Variants in CTNNBL1 observed in about 807,000 individuals in gnomAD.
CTNNBL1 encodes the protein beta-catenin-like protein 1.
In CTNNBL1, 31 loss-of-function variants were observed where a neutral mutation model predicts 72.7. That is an observed-to-expected ratio of 0.43 (90% CI 0.32 to 0.58). CTNNBL1 has a LOEUF of 0.58. Ranked by LOEUF, CTNNBL1 falls within the 20% of genes least tolerant of loss-of-function variation. The probability of loss-of-function intolerance (pLI) is 0.08; values close to 1 mark genes in which losing one functional copy is unlikely to be tolerated. For synonymous variants in CTNNBL1, 240 were observed against 267.3 expected (o/e 0.90, Z 1.00); for missense variants, 534 against 725.1 (o/e 0.74, Z 3.03).
intron 1 of CTNNBL1, among the ~76,000 whole-genome samples, chr20:37,720,886 T>C (rs1251114911): frequency 2.0e-5 from 3 of 152,176 alleles, no homozygotes; most frequent in Non-Finnish European, 4.4e-5. Flanking sequence ...GTAGAGGAAA[T>C]AGAGACTTAT....
Position 37,695,255 on chromosome 20 carries a change from T to C in CTNNBL1, c.30+1103T>C, listed in dbSNP as rs113085618. On this transcript the variant is annotated intron_variant, in intron 1 of 15. Coordinates refer to ENST00000361383, the MANE Select transcript of CTNNBL1 (RefSeq NM_030877.5). The stretch of plus-strand genomic sequence containing the variant: ...CAGGATCTTGCTCTGTCGCCCATGC[T>C]GGAGTGCAGTGGCACAATCATTGCT... Among the ~76,000 whole-genome samples, 599 of 152,342 alleles carry C rather than the reference T, an allele frequency of 3.9e-3. 6 individuals are homozygous for C. Among genetic ancestry groups the C allele is most frequent in the African/African-American group, 0.014 (568 of 41,568 alleles).
Position 37,842,389 on chromosome 20 carries a change from G to A in CTNNBL1, c.1362G>A (p.Val454=), listed in dbSNP as rs1414039458. ...TTAAATATCTGGGTGCAATGCAGGTGGCGGACAAGAAGATTGAAGGGGAAA... is the reference window on the plus strand; with the variant it reads ...TTAAATATCTGGGTGCAATGCAGGTAGCGGACAAGAAGATTGAAGGGGAAA... ...LHFKYLGAMQ[V]ADKKIEGEKH... The change falls in exon 13 of 16, where the codon GTG becomes GTA. Residue 454 remains valine, a synonymous_variant. Coordinates refer to ENST00000361383, the MANE Select transcript of CTNNBL1 (RefSeq NM_030877.5). 3.7e-6 allele frequency: 6 copies of A among 1,613,800 alleles called. No individual in the cohort carries two copies. The highest frequency in any genetic ancestry group is 1.3e-5 in the African/African-American group (1 of 74,920).
intron 1 of CTNNBL1, among the ~76,000 whole-genome samples, chr20:37,722,376 A>C (rs2073048011): frequency 6.6e-6 from 1 of 152,114 alleles, no homozygotes; most frequent in Admixed American, 6.5e-5. Flanking sequence ...TGGGAGGCTG[A>C]GGCAGGGGAA....
At chr20:37,833,037 CTCCGTGTGTA>C (rs2072224914) in intron 11 of CTNNBL1, among the ~76,000 whole-genome samples, 1 of 152,108 alleles carries the variant, frequency 6.6e-6, no homozygotes, top group Admixed American at 6.5e-5. Context: ...GGTAGCATGC[CTCCGTGTGTA>C]TCAGTCTCAA....
chr20:37,696,459 T>TTTC, intron 1 of CTNNBL1, among the ~76,000 whole-genome samples: 1 of 148,272 alleles, frequency 6.7e-6, no homozygotes, highest in South Asian at 2.1e-4. Flanking sequence ...TTTTTTTTTT[T>TTTC]TGAGATGGAG....
At chr20:37,845,634 G>A (rs1277144463) in intron 13 of CTNNBL1, among the ~76,000 whole-genome samples, 1 of 152,190 alleles carries the variant, frequency 6.6e-6, no homozygotes, top group East Asian at 1.9e-4. Flanking sequence ...CCTCACAGGT[G>A]TAAAGTGACT....
intron 1 of CTNNBL1, among the ~76,000 whole-genome samples, chr20:37,698,008 C>T (rs1444515585): frequency 6.6e-6 from 1 of 152,168 alleles, no homozygotes; most frequent in Non-Finnish European, 1.5e-5. Flanking sequence ...ATGCCTAGCG[C>T]CTACAGGTAG....
Position 37,860,252 on chromosome 20 carries a change from C to T in CTNNBL1, c.1531-20C>T. The T allele has an allele frequency of 1.2e-6, 2 of 1,606,002 alleles. No homozygotes were observed. The highest frequency in any genetic ancestry group is 1.7e-6 in the Non-Finnish European group (2 of 1,172,606). ...ACAAATGGTTGTCTTTCTTTCTCTA[C>T]CCATTTTTTCCCTTATTAGATTCGC... On this transcript the variant is annotated intron_variant, in intron 14 of 15. Coordinates refer to ENST00000361383, the MANE Select transcript of CTNNBL1 (RefSeq NM_030877.5).
At chr20:37,740,070 A>G (rs962484872) in intron 3 of CTNNBL1, among the ~76,000 whole-genome samples, 1 of 152,146 alleles carries the variant, frequency 6.6e-6, no homozygotes, top group African/African-American at 2.4e-5. Context: ...CAGTTCATTA[A>G]CTGGGTTTAA....
intron 15 of CTNNBL1, among the ~76,000 whole-genome samples, chr20:37,866,284 G>A (rs1005676596): frequency 3.3e-5 from 5 of 152,228 alleles, no homozygotes; most frequent in South Asian, 2.1e-4. Flanking sequence ...CTCGGGAAGC[G>A]CTGCCCGGGG....
At chr20:37,805,643 C>T (rs1373572037) in intron 11 of CTNNBL1, among the ~76,000 whole-genome samples, 5 of 151,998 alleles carry the variant, frequency 3.3e-5, no homozygotes, top group African/African-American at 7.2e-5. Context: ...GTGATCCGCC[C>T]ACCTTGGCCT....
At chr20:37,859,750 G>T (rs1243702342) in intron 13 of CTNNBL1, 149 bp from the exon 14 acceptor site, 1 of 713,366 alleles carries the variant, frequency 1.4e-6, no homozygotes, top group Non-Finnish European at 2.3e-6. Context: ...ACTTTAAAGG[G>T]AGATGTAGAC....
intron 11 of CTNNBL1, among the ~76,000 whole-genome samples, chr20:37,819,193 C>T (rs981576770): frequency 1.3e-5 from 2 of 152,124 alleles, no homozygotes; most frequent in Non-Finnish European, 1.5e-5. Context: ...AAACTTCCCC[C>T]GTAAATGAAG....
chr20:37,767,821 A>G, intron 6 of CTNNBL1, 132 bp from the exon 7 acceptor site: 2 of 689,962 alleles, frequency 2.9e-6, no homozygotes, highest in Middle Eastern at 2.8e-4. Context: ...TCTGAAAATG[A>G]CAACCCAGCA....
intron 11 of CTNNBL1, among the ~76,000 whole-genome samples, chr20:37,828,216 C>T (rs1315186927): frequency 2.6e-5 from 4 of 152,176 alleles, no homozygotes; most frequent in African/African-American, 9.7e-5. Flanking sequence ...AGTTTACCAT[C>T]TATTGAGATT....
chr20:37,847,507 G>T (rs925377043), intron 13 of CTNNBL1, among the ~76,000 whole-genome samples: 1 of 152,108 alleles, frequency 6.6e-6, no homozygotes, highest in Non-Finnish European at 1.5e-5. Context: ...TGTCTCAGCA[G>T]ATTTCACCTG....
At chr20:37,749,591 A>G (rs1334999251) in intron 4 of CTNNBL1, among the ~76,000 whole-genome samples, 1 of 151,796 alleles carries the variant, frequency 6.6e-6, no homozygotes. Flanking sequence ...CCCTAATGAT[A>G]TTTTTTAAAA....
chr20:37,840,748 T>C (rs2072297092), intron 12 of CTNNBL1, among the ~76,000 whole-genome samples: 1 of 152,068 alleles, frequency 6.6e-6, no homozygotes, highest in Non-Finnish European at 1.5e-5. Flanking sequence ...GGGAACTCAA[T>C]TACATGAAAT....
At chr20:37,727,286 T>C (rs954155070) in intron 1 of CTNNBL1, 7 of 956,012 alleles carry the variant, frequency 7.3e-6, no homozygotes, top group Non-Finnish European at 8.7e-6. Flanking sequence ...GAAGATGTCT[T>C]GATTTCTGTT....
Sources: gnomAD v4.1 joint callset for allele counts (sites outside exome capture counted in the v4.1 genomes callset) on GRCh38, gnomAD v4.1.1 for gene constraint, MANE v1.5 for transcripts, NCBI Gene and HGNC (gene_info 2026-07-23, HGNC 2026-07-21) for gene names.